LYST: variants seen among roughly 807,000 people sequenced by gnomAD.
LYST encodes the protein lysosomal trafficking regulator.
A neutral mutation model predicts 413.6 loss-of-function variants in LYST; 192 were observed. The ratio of observed to expected loss-of-function variants is 0.46; its 90% CI spans 0.41 to 0.52. The LOEUF (loss-of-function observed/expected upper bound fraction) is 0.52, where lower values mean the gene tolerates loss of function less well. Among genes scored for constraint, LYST ranks in the 20% least tolerant of loss-of-function variants. LYST has a pLI of 0.00. For missense variants in LYST, 3,815 were observed against 4,499.9 expected, an observed-to-expected ratio of 0.85 and a Z score of 4.35; for synonymous variants, 1,525 against 1,567.3, an observed-to-expected ratio of 0.97 and a Z score of 0.64.
intron 38 of LYST, among the ~76,000 whole-genome samples, chr1:235,725,024 G>T (rs1558154946): frequency 6.6e-6 from 1 of 152,246 alleles, no homozygotes; most frequent in Non-Finnish European, 1.5e-5. Context: ...GAGGACAGAA[G>T]ATGAGGCCCT....
chr1:235,785,387 C>CT (rs1314355300), intron 14 of LYST, among the ~76,000 whole-genome samples: 1 of 152,182 alleles, frequency 6.6e-6, no homozygotes, highest in East Asian at 1.9e-4. Context: ...GGGAATGTGT[C>CT]TATCTTGTTT....
chr1:235,757,716 CTATT>C (rs893789538), intron 23 of LYST, among the ~76,000 whole-genome samples: 5 of 152,110 alleles, frequency 3.3e-5, no homozygotes, highest in African/African-American at 9.7e-5. Flanking sequence ...GTCACTTATG[CTATT>C]TATTTAAACT....
At chr1:235,732,076 A>T (rs1047278759) in intron 34 of LYST, among the ~76,000 whole-genome samples, 20 of 151,596 alleles carry the variant, frequency 1.3e-4, no homozygotes, top group Admixed American at 3.9e-4. Flanking sequence ...TTTTTTTTTT[A>T]AAACGTGCAT....
At chr1:235,751,835 C>T (rs1229868444) in intron 27 of LYST, among the ~76,000 whole-genome samples, 170 bp downstream of exon 27, 2 of 152,018 alleles carry the variant, frequency 1.3e-5, no homozygotes, top group Non-Finnish European at 2.9e-5. Flanking sequence ...TCTATTTTTG[C>T]CACTTTTTCA....
At chr1:235,765,206 A>G (rs1303584771) in intron 21 of LYST, among the ~76,000 whole-genome samples, 1 of 152,184 alleles carries the variant, frequency 6.6e-6, no homozygotes, top group Non-Finnish European at 1.5e-5. Context: ...TACAACATAT[A>G]TTATACAACC....
intron 5 of LYST, 113 bp downstream of exon 5, chr1:235,808,342 G>T: frequency 1.2e-6 from 1 of 857,582 alleles, no homozygotes; most frequent in Non-Finnish European, 1.8e-6. Flanking sequence ...GGAGATATCA[G>T]TGTTAGAAGT....
At chr1:235,695,298 A>C (rs1298128726) in intron 46 of LYST, among the ~76,000 whole-genome samples, 3 of 152,260 alleles carry the variant, frequency 2.0e-5, no homozygotes, top group Non-Finnish European at 4.4e-5. Flanking sequence ...CAAAGCACGA[A>C]GTTAACTTCC....
chr1:235,683,716 T>C (rs1177966906), intron 48 of LYST, among the ~76,000 whole-genome samples: 3 of 152,124 alleles, frequency 2.0e-5, no homozygotes, highest in African/African-American at 7.2e-5. Context: ...TTAAAGACAA[T>C]CCAAAGGAGA....
intron 45 of LYST, among the ~76,000 whole-genome samples, chr1:235,701,030 G>A (rs1321610755): frequency 6.6e-6 from 1 of 152,202 alleles, no homozygotes; most frequent in Non-Finnish European, 1.5e-5. Context: ...TATAATCAGA[G>A]CTTTTGGAAA....
rs1387533895 is a variant in LYST at position 235,741,417 on chromosome 1, C to T, written c.8358+5G>A. ...TACTTCTCTTATCAAAGCTGAGATA[C>T]TTACTTGTAGGGATGGGCTGAGACA... is the stretch of plus-strand genomic sequence containing the variant. On this transcript the variant is annotated splice_donor_5th_base_variant and intron_variant, in intron 31 of 52. Transcript: ENST00000389793. The T allele has an allele frequency of 1.2e-6, 2 of 1,609,074 alleles. No individual in the cohort carries two copies. Among genetic ancestry groups the T allele is most frequent in the Non-Finnish European group, 1.7e-6 (2 of 1,175,608 alleles).
intron 47 of LYST, among the ~76,000 whole-genome samples, chr1:235,688,659 T>C (rs947940826): frequency 1.3e-5 from 2 of 152,158 alleles, no homozygotes; most frequent in Non-Finnish European, 2.9e-5. Context: ...AAATTGATCA[T>C]ATAAGTGAAA....
intron 48 of LYST, among the ~76,000 whole-genome samples, chr1:235,681,462 G>T (rs1451200722): frequency 6.6e-6 from 1 of 152,108 alleles, no homozygotes; most frequent in Non-Finnish European, 1.5e-5. Context: ...TCTGGGGCAG[G>T]ACTAATGTGA....
chr1:235,883,648 T>C (rs1681469970), upstream of LYST: 1 of 152,528 alleles, frequency 6.6e-6, no homozygotes, highest in Non-Finnish European at 1.5e-5. Context: ...GCGTTGCTTT[T>C]TCGTTTGGTA....
rs1668152609 is a variant in LYST at position 235,766,382 on chromosome 1, T to C, written c.5923-105A>G. 4 of 784,668 alleles carry C rather than the reference T, an allele frequency of 5.1e-6. No individual in the cohort carries two copies. The South Asian group carries it at 6.9e-5, about 14-fold the overall frequency. The allele number at this position is 784,668 out of a possible 1,614,324, so 48.6% of individuals were successfully genotyped here. On this transcript the variant is annotated intron_variant, in intron 20 of 52. Transcript: ENST00000389793. The stretch of plus-strand genomic sequence containing the variant: ...TTTTTAAGATAGAATTCTGTTGGTT[T>C]ACTACTCTAGTCTGATCATACTTAC...
intron 50 of LYST, among the ~76,000 whole-genome samples, chr1:235,666,108 C>T (rs899693366): frequency 7.9e-5 from 12 of 151,626 alleles, no homozygotes; most frequent in East Asian, 5.8e-4. Flanking sequence ...TGCCAAAGAC[C>T]GCCAAATACC....
At chr1:235,870,185 G>GA (rs551985148), upstream of LYST, among the ~76,000 whole-genome samples, 1 of 152,174 alleles carries the variant, frequency 6.6e-6, no homozygotes, top group Non-Finnish European at 1.5e-5. Flanking sequence ...TGGCATTGGT[G>GA]AGAGTTGACA....
chr1:235,814,463 C>T (rs1468478897), intron 3 of LYST, among the ~76,000 whole-genome samples: 1 of 151,906 alleles, frequency 6.6e-6, no homozygotes, highest in Non-Finnish European at 1.5e-5. Context: ...ATGGGCAATG[C>T]TAAAGAAAAG....
chr1:235,681,002 G>A (rs901303689), intron 48 of LYST, among the ~76,000 whole-genome samples: 5 of 152,214 alleles, frequency 3.3e-5, no homozygotes, highest in Non-Finnish European at 7.3e-5. Context: ...CTGTGTGCCT[G>A]TCACTGAACC....
chr1:235,808,314 C>A, intron 5 of LYST, 141 bp downstream of exon 5: 1 of 686,272 alleles, frequency 1.5e-6, no homozygotes. Context: ...AATACGATCA[C>A]ACTGCTGCCA....
Sources: allele counts gnomAD v4.1 joint callset (sites outside exome capture counted in the v4.1 genomes callset), GRCh38; gene constraint gnomAD v4.1.1; transcripts MANE v1.5; gene names NCBI Gene and HGNC (gene_info 2026-07-23, HGNC 2026-07-21).